SPG11: variants seen among roughly 807,000 people sequenced by gnomAD.
The protein encoded by SPG11 is spatacsin.
A neutral mutation model predicts 274.0 loss-of-function variants in SPG11; 222 were observed. The ratio of observed to expected loss-of-function variants is 0.81; its 90% CI spans 0.73 to 0.91. The LOEUF (loss-of-function observed/expected upper bound fraction) is 0.91, where lower values mean the gene tolerates loss of function less well. SPG11 is among the 40% of genes least tolerant of loss of function. The pLI, the probability that SPG11 is intolerant of heterozygous loss-of-function variation, is 0.00. For synonymous variants in SPG11, 1,144 were observed against 1,039.7 expected (o/e 1.10, Z -1.93); for missense variants, 3,114 against 2,872.7 (o/e 1.08, Z -1.92).
At chr15:44,565,823 A>G (rs748291614) in intron 38 of SPG11, 31 bp downstream of exon 38, 1 of 1,613,368 alleles carries the variant, frequency 6.2e-7, no homozygotes, top group South Asian at 1.1e-5. Flanking sequence ...GGATGCTAGC[A>G]GTGCTGGCTA....
In SPG11 at chr15:44,663,488, G is replaced by A. The variant is rs778666420; in HGVS notation, c.160C>T (p.Leu54=). ...RAQLRTQPEA[L]GSLTAAGSLQ... ...CTGCCCGCAGCCGTCAGGCTCCCCA[G>A]AGCCTCCGGCTGTGTGCGCAGCTGC... Residue 54 remains leucine, a synonymous_variant, in exon 1 of 40, where the codon CTG becomes TTG. Transcript: ENST00000261866. 8.8e-6 allele frequency: 14 copies of A among 1,593,134 alleles called. No individual in the cohort carries two copies. The highest frequency in any genetic ancestry group is 1.7e-4 in the Middle Eastern group (1 of 6,038).
chr15:44,651,782 G>A lies in SPG11; in HGVS notation c.1165C>T (p.Gln389Ter), dbSNP rs373185603. 6.2e-7 allele frequency: 1 copy of A among 1,614,062 alleles called. No homozygotes were observed. The highest frequency in any genetic ancestry group is 1.3e-5 in the African/African-American group (1 of 74,926). Residue 389 changes from glutamine (Q) to a stop codon, truncating the protein, a stop_gained, in exon 6 of 40, where the codon CAG (glutamine) becomes TAG (stop). Transcript: ENST00000261866. LOFTEE classifies it high-confidence loss of function. ...TSVQSWAFIP[Q>*]DIMHGQYNVL... ...TTATATTGCCCATGCATTATGTCCT[G>A]TGGAATGAAGGCCCAGCTCTGCACA...
intron 27 of SPG11, among the ~76,000 whole-genome samples, chr15:44,591,948 A>T (rs991572919): frequency 6.6e-6 from 1 of 152,024 alleles, no homozygotes; most frequent in Admixed American, 6.6e-5. Flanking sequence ...TGTCTCTACT[A>T]AAAATACAAA....
chr15:44,580,669 T>C (rs2082641743), intron 30 of SPG11, among the ~76,000 whole-genome samples: 1 of 152,232 alleles, frequency 6.6e-6, no homozygotes, highest in African/African-American at 2.4e-5. Flanking sequence ...TGCACGCCTG[T>C]AGTCCCAGCT....
chr15:44,573,980 CTT>C (rs2082481467), intron 31 of SPG11, among the ~76,000 whole-genome samples: 2 of 152,206 alleles, frequency 1.3e-5, no homozygotes, highest in Admixed American at 6.5e-5. Flanking sequence ...AGGTTATTCT[CTT>C]GTTGGACACT....
chr15:44,649,065 T>C, intron 6 of SPG11, 54 bp from the exon 7 acceptor site: 2 of 1,444,368 alleles, frequency 1.4e-6, no homozygotes, highest in Non-Finnish European at 9.7e-7. Context: ...TTTAGGATTA[T>C]GATTTAGGAA....
At position 44,566,002 on chromosome 15, in the gene SPG11, CAGGAGTCCTGAGGAACAAGGGTGGAG is replaced by C; in HGVS notation, c.6844-19_6850del. The C allele has an allele frequency of 6.2e-7, 1 of 1,613,688 alleles. No individual in the cohort carries two copies. The highest frequency in any genetic ancestry group is 8.5e-7 in the Non-Finnish European group (1 of 1,180,020). Reference sequence around the variant, plus strand: ...CTGACAGTGCTGGGCCTGTCGCACACAGGAGTCCTGAGGAACAAGGGTGGAGAGGCACAGTAGAGAAAGACCTAGTT... The same window carrying C: ...CTGACAGTGCTGGGCCTGTCGCACACAGGCACAGTAGAGAAAGACCTAGTT... On this transcript the variant is annotated splice_acceptor_variant and splice_polypyrimidine_tract_variant and coding_sequence_variant and intron_variant, in exon 38 of 40. Coordinates refer to ENST00000261866, the MANE Select transcript of SPG11 (RefSeq NM_025137.4). LOFTEE classifies it high-confidence loss of function.
intron 30 of SPG11, among the ~76,000 whole-genome samples, chr15:44,581,929 A>G (rs940991101): frequency 9.2e-5 from 14 of 152,182 alleles, no homozygotes; most frequent in Non-Finnish European, 5.9e-5. Context: ...CAAAATCACA[A>G]TAAATTAAAA....
intron 36 of SPG11, 142 bp downstream of exon 36, chr15:44,567,282 C>T (rs1437752065): frequency 2.0e-5 from 16 of 798,626 alleles, no homozygotes; most frequent in East Asian, 6.0e-5. Flanking sequence ...ACCTGGGAGG[C>T]GGAGGTTGCA....
Position 44,620,910 on chromosome 15 carries a change from G to A in SPG11, c.2621-507C>T, listed in dbSNP as rs956300502. The A allele has an allele frequency of 3.8e-5, 6 of 158,332 alleles. No homozygotes were observed. In the East Asian group the frequency reaches 7.4e-4, roughly 20 times the overall value. The allele number at this position is 158,332 out of a possible 1,614,324, so 9.8% of individuals were successfully genotyped here. ...GGCGGGGTTTCACAATGTTGGCCAA[G>A]CTGGTCTTGAACTCAGGTGATTCGC... On this transcript the variant is annotated intron_variant, in intron 14 of 39. Transcript: ENST00000261866.
chr15:44,609,194 C>T lies in SPG11; in HGVS notation c.3292-589G>A, dbSNP rs142925978. Among the ~76,000 whole-genome samples the T allele has an allele frequency of 6.3e-3, 960 of 151,842 alleles. 15 individuals carry two copies. The highest frequency in any genetic ancestry group is 0.022 in the African/African-American group (917 of 41,416). On this transcript the variant is annotated intron_variant, in intron 18 of 39. Coordinates refer to ENST00000261866, the MANE Select transcript of SPG11 (RefSeq NM_025137.4). Reference sequence around the variant, plus strand: ...GGGCCCAGGCTGGAGTGCAATGGCGCGATCTCGGCTCACTGCAAGCTCCGC... The same window carrying T: ...GGGCCCAGGCTGGAGTGCAATGGCGTGATCTCGGCTCACTGCAAGCTCCGC...
intron 15 of SPG11, among the ~76,000 whole-genome samples, chr15:44,618,370 T>A (rs1408211360): frequency 1.4e-5 from 2 of 146,200 alleles, no homozygotes; most frequent in African/African-American, 5.1e-5. Context: ...AAAAAAAAAT[T>A]AGCCAGGCGT....
intron 1 of SPG11, among the ~76,000 whole-genome samples, chr15:44,661,098 G>A (rs1005071674): frequency 4.6e-5 from 7 of 152,102 alleles, no homozygotes; most frequent in African/African-American, 1.7e-4. Flanking sequence ...AGAACCTTCC[G>A]TGATGGAAAT....
intron 30 of SPG11, among the ~76,000 whole-genome samples, chr15:44,576,458 C>T (rs1261388985): frequency 6.6e-6 from 1 of 151,706 alleles, no homozygotes; most frequent in East Asian, 2.0e-4. Flanking sequence ...ACCATCCTGG[C>T]TAACACGGTG....
intron 6 of SPG11, among the ~76,000 whole-genome samples, chr15:44,649,468 A>T (rs1179853856): frequency 6.6e-6 from 1 of 152,188 alleles, no homozygotes. Flanking sequence ...CCTGGCTTCA[A>T]GTGATCCTCC....
chr15:44,629,501 T>A, intron 8 of SPG11, 113 bp from the exon 9 acceptor site: 4 of 1,208,552 alleles, frequency 3.3e-6, no homozygotes, highest in Non-Finnish European at 4.6e-6. Context: ...AGGACCAATG[T>A]CTTATTTTCA....
chr15:44,596,393 T>C (rs1595860674), intron 24 of SPG11, 38 bp from the exon 25 acceptor site: 3 of 1,611,068 alleles, frequency 1.9e-6, no homozygotes, highest in East Asian at 2.2e-5. Context: ...GAAACCCAAC[T>C]TTCAGTTTCA....
At chr15:44,577,799 C>T (rs923496243) in intron 30 of SPG11, among the ~76,000 whole-genome samples, 7 of 152,060 alleles carry the variant, frequency 4.6e-5, no homozygotes, top group East Asian at 1.9e-4. Flanking sequence ...CTGAATGCAG[C>T]GCTGACTAAA....
At chr15:44,607,359 G>GC (rs1397770918) in intron 19 of SPG11, among the ~76,000 whole-genome samples, 1 of 152,168 alleles carries the variant, frequency 6.6e-6, no homozygotes, top group Non-Finnish European at 1.5e-5. Flanking sequence ...TCAGCTTACT[G>GC]CAACTTTCGC....
Sources: allele counts gnomAD v4.1 joint callset (sites outside exome capture counted in the v4.1 genomes callset), GRCh38; gene constraint gnomAD v4.1.1; transcripts MANE v1.5; gene names NCBI Gene and HGNC (gene_info 2026-07-23, HGNC 2026-07-21).